The following FAM13A variants were observed in gnomAD, a reference collection of about 807,000 sequenced individuals.
The protein encoded by FAM13A is protein FAM13A.
A neutral mutation model predicts 129.6 loss-of-function variants in FAM13A; 76 were observed. The ratio of observed to expected loss-of-function variants is 0.59; its 90% confidence interval spans 0.49 to 0.71. The LOEUF (loss-of-function observed/expected upper bound fraction) is 0.71. FAM13A is among the 30% of genes least tolerant of loss of function. The probability of loss-of-function intolerance (pLI) is 0.00; values close to 1 mark genes in which losing one functional copy is unlikely to be tolerated. For missense variants in FAM13A, 1,108 were observed against 1,249.3 expected (o/e 0.89, Z 1.70); for synonymous variants, 443 against 449.9 (o/e 0.98, Z 0.20).
chr4:88,728,598 T>A lies in FAM13A; in HGVS notation c.3007A>T (p.Lys1003Ter). 1 of 1,614,206 alleles carries A rather than the reference T, an allele frequency of 6.2e-7. No individual in the cohort carries two copies. The change falls in exon 24 of 24, where the codon AAG becomes TAG. Residue 1003 changes from lysine to a stop codon, truncating the protein, a stop_gained. Coordinates refer to ENST00000264344, the MANE Select transcript of FAM13A (RefSeq NM_014883.4). LOFTEE classifies it high-confidence loss of function. ...ACCTCCAGGAGCCTCAGTTTCGCCTTTATGTGCTTATATTCACTGTATTCT... is the reference window on the plus strand; with the variant it reads ...ACCTCCAGGAGCCTCAGTTTCGCCTATATGTGCTTATATTCACTGTATTCT... ...AEEYSEYKHI[K>*]AKLRLLEVLI...
rs777389766 is a variant in FAM13A, at chr4:88,768,052, T to C, written c.1466A>G (p.Glu489Gly). The stretch of plus-strand genomic sequence containing the variant: ...ATGAGATCGTGTGGAATTGAGACTT[T>C]CCATATTCTGTAACAGAACCATTAT... The part of the protein sequence containing the change: ...HDNQDGLVNM[E>G]SLNSTRSHER... The change falls in exon 12 of 24, where the codon GAA becomes GGA. Residue 489 changes from glutamate (E) to glycine (G), a missense_variant. By Grantham distance (98) the Glu-to-Gly change is moderately conservative (BLOSUM62 -2). Transcript: ENST00000264344. 4 of 1,599,420 alleles carry C rather than the reference T, an allele frequency of 2.5e-6. No homozygotes were observed. The highest frequency in any genetic ancestry group is 3.4e-6 in the Non-Finnish European group (4 of 1,167,174).
intron 22 of FAM13A, chr4:88,731,718 G>A: frequency 1.9e-6 from 1 of 524,676 alleles, no homozygotes; most frequent in Non-Finnish European, 3.3e-6. Flanking sequence ...TGACATCTGT[G>A]CTCAGCGTGT....
intron 1 of FAM13A, among the ~76,000 whole-genome samples, chr4:89,041,338 T>C (rs1191326123): frequency 6.6e-6 from 1 of 152,162 alleles, no homozygotes; most frequent in Non-Finnish European, 1.5e-5. Flanking sequence ...AAATATCACA[T>C]GTACCTCATA....
intron 7 of FAM13A, among the ~76,000 whole-genome samples, chr4:88,806,352 A>G (rs1373896390): frequency 6.6e-6 from 1 of 152,216 alleles, no homozygotes; most frequent in Admixed American, 6.5e-5. Flanking sequence ...TACCTGCAGC[A>G]TTCTCTTTCT....
intron 1 of FAM13A, among the ~76,000 whole-genome samples, chr4:89,033,254 G>C (rs1479008908): frequency 6.6e-6 from 1 of 152,158 alleles, no homozygotes; most frequent in African/African-American, 2.4e-5. Context: ...GATAATGACA[G>C]TGAACTTTTA....
At chr4:88,773,542 T>G (rs1578587710) in intron 11 of FAM13A, among the ~76,000 whole-genome samples, 2 of 152,194 alleles carry the variant, frequency 1.3e-5, no homozygotes, top group East Asian at 3.9e-4. Context: ...GCACTGGAGA[T>G]CGGCAGCAGC....
At chr4:88,795,124 T>G (rs989377517) in intron 8 of FAM13A, among the ~76,000 whole-genome samples, 1 of 151,840 alleles carries the variant, frequency 6.6e-6, no homozygotes, top group Non-Finnish European at 1.5e-5. Flanking sequence ...AAAAGTTGCA[T>G]CATCCTTTTG....
At chr4:88,753,692 A>G in intron 14 of FAM13A, 2 of 713,704 alleles carry the variant, frequency 2.8e-6, no homozygotes, top group Non-Finnish European at 3.4e-6. Context: ...CAAAAGAGTT[A>G]TAAAATGACA....
intron 6 of FAM13A, among the ~76,000 whole-genome samples, chr4:88,868,854 G>A (rs977241799): frequency 1.3e-5 from 2 of 152,150 alleles, no homozygotes; most frequent in Non-Finnish European, 2.9e-5. Context: ...TTATACTACA[G>A]AGATGATTAT....
chr4:89,013,708 C>G (rs1211798363), intron 3 of FAM13A, among the ~76,000 whole-genome samples: 1 of 152,084 alleles, frequency 6.6e-6, no homozygotes, highest in Non-Finnish European at 1.5e-5. Flanking sequence ...ATAGCATACA[C>G]AATTAGATTC....
chr4:89,008,756 T>C (rs932028256), intron 3 of FAM13A, among the ~76,000 whole-genome samples: 4 of 152,190 alleles, frequency 2.6e-5, no homozygotes, highest in Admixed American at 2.0e-4. Flanking sequence ...GTAAAGCACC[T>C]AGGCAAAATC....
At chr4:88,838,843 T>A (rs777337881) in intron 7 of FAM13A, among the ~76,000 whole-genome samples, 1 of 152,230 alleles carries the variant, frequency 6.6e-6, no homozygotes, top group Non-Finnish European at 1.5e-5. Flanking sequence ...TTTCCTTCTA[T>A]GCTCATAAAC....
Position 89,029,607 on chromosome 4 carries a change from T to C in FAM13A, c.70A>G (p.Ile24Val). Residue 24 changes from isoleucine (I) to valine (V), a missense_variant, in exon 2 of 24, where the codon ATA becomes GTA. Physicochemically the swap from Ile to Val is conservative, Grantham distance 29. Coordinates refer to ENST00000264344, the MANE Select transcript of FAM13A (RefSeq NM_014883.4). ...TGTTCATTTAATGGCACTGCCACTA[T>C]CTTTTTCATGTCTTCTTTCAGCCGA... ...AVRLKEDMKKIVAVPLNEQKD... is the reference protein window; with the variant it reads ...AVRLKEDMKKVVAVPLNEQKD... The C allele has an allele frequency of 1.3e-6, 2 of 1,585,608 alleles. No individual in the cohort carries two copies. Among genetic ancestry groups the C allele is most frequent in the Non-Finnish European group, 1.7e-6 (2 of 1,171,454 alleles).
chr4:89,014,076 C>T (rs888241848), intron 3 of FAM13A, among the ~76,000 whole-genome samples: 1 of 152,044 alleles, frequency 6.6e-6, no homozygotes, highest in Admixed American at 6.6e-5. Context: ...CAGCCACTCA[C>T]GACCCTGAAT....
At chr4:88,986,346 C>A (rs1057478468) in intron 4 of FAM13A, among the ~76,000 whole-genome samples, 1 of 152,176 alleles carries the variant, frequency 6.6e-6, no homozygotes, top group South Asian at 2.1e-4. Flanking sequence ...GTTGGCCAGG[C>A]TGGTCTTGAA....
At chr4:88,853,630 T>C (rs1329647341) in intron 6 of FAM13A, among the ~76,000 whole-genome samples, 2 of 152,174 alleles carry the variant, frequency 1.3e-5, no homozygotes, top group African/African-American at 4.8e-5. Flanking sequence ...CAACATTTCA[T>C]GGTGTTAAAA....
At chr4:88,746,657 C>T (rs2149455572) in intron 19 of FAM13A, among the ~76,000 whole-genome samples, 1 of 152,284 alleles carries the variant, frequency 6.6e-6, no homozygotes, top group South Asian at 2.1e-4. Context: ...CTCCACCATT[C>T]CTTCCTTTAA....
At chr4:88,760,817 C>A (rs1397057104) in intron 13 of FAM13A, among the ~76,000 whole-genome samples, 1 of 151,760 alleles carries the variant, frequency 6.6e-6, no homozygotes, top group Non-Finnish European at 1.5e-5. Context: ...CACTCAGTTA[C>A]CAATCATGAG....
At chr4:89,025,490 T>C (rs911834008) in intron 2 of FAM13A, among the ~76,000 whole-genome samples, 1 of 151,300 alleles carries the variant, frequency 6.6e-6, no homozygotes, top group Admixed American at 6.6e-5. Flanking sequence ...GGTCTCGATC[T>C]CCTGACCTCA....
Sources: allele counts gnomAD v4.1 joint callset (sites outside exome capture counted in the v4.1 genomes callset), GRCh38; gene constraint gnomAD v4.1.1; transcripts MANE v1.5; gene names NCBI Gene and HGNC (gene_info 2026-07-23, HGNC 2026-07-21).